PDZD2: variants seen among roughly 807,000 people sequenced by gnomAD.
The protein encoded by PDZD2 is PDZ domain-containing protein 2.
In PDZD2, 90 loss-of-function variants were observed where a neutral mutation model predicts 220.7. The observed-to-expected ratio is 0.41, with a 90% CI of 0.34 to 0.49. The LOEUF (loss-of-function observed/expected upper bound fraction) is 0.49. Among genes scored for constraint, PDZD2 ranks in the 20% least tolerant of loss-of-function variants. The probability of loss-of-function intolerance (pLI) is 0.28; values close to 1 mark genes in which losing one functional copy is unlikely to be tolerated. For missense variants in PDZD2, 3,174 were observed against 3,608.5 expected, an observed-to-expected ratio of 0.88 and a Z score of 3.08; for synonymous variants, 1,375 against 1,450.5, an observed-to-expected ratio of 0.95 and a Z score of 1.18.
chr5:32,086,485 CAT>C (rs765781043), intron 19 of PDZD2, among the ~76,000 whole-genome samples: 3 of 152,128 alleles, frequency 2.0e-5, no homozygotes, highest in African/African-American at 4.8e-5. Context: ...CATCTGCCAT[CAT>C]AGAAATACCA....
chr5:31,925,533 A>T (rs540093721), intron 2 of PDZD2, among the ~76,000 whole-genome samples: 134 of 152,318 alleles, frequency 8.8e-4, no homozygotes, highest in African/African-American at 3.1e-3. Context: ...AGGAAACATC[A>T]TTCTGGACAT....
chr5:31,887,536 C>T (rs1740621336), intron 2 of PDZD2, among the ~76,000 whole-genome samples: 1 of 152,068 alleles, frequency 6.6e-6, no homozygotes, highest in Admixed American at 6.6e-5. Context: ...GCAGCTTTTC[C>T]AATAGGAACC....
At chr5:31,665,237 C>G (rs1165516801) in intron 1 of PDZD2, among the ~76,000 whole-genome samples, 1 of 23,260 alleles carries the variant, frequency 4.3e-5, no homozygotes, top group Non-Finnish European at 2.3e-4. Flanking sequence ...CAGCCTGCCT[C>G]TTCCCCGTGT....
intron 1 of PDZD2, among the ~76,000 whole-genome samples, chr5:31,755,997 C>T (rs1306567659): frequency 6.6e-6 from 1 of 152,126 alleles, no homozygotes; most frequent in Admixed American, 6.5e-5. Flanking sequence ...CTTCAGATGT[C>T]TTTAAAAGGC....
intron 2 of PDZD2, among the ~76,000 whole-genome samples, chr5:31,893,986 C>A (rs1176982972): frequency 1.3e-5 from 2 of 151,788 alleles, no homozygotes; most frequent in East Asian, 3.9e-4. Context: ...CCTCCACCTC[C>A]CGGGTTCAAG....
At chr5:31,770,333 G>A (rs34573921) in intron 1 of PDZD2, among the ~76,000 whole-genome samples, 60,494 of 151,982 alleles carry the variant, frequency 0.4, 12,605 homozygotes, top group Non-Finnish European at 0.45. Flanking sequence ...GCCAGACAAC[G>A]GGAACTGACG....
Position 32,087,091 on chromosome 5 carries a change from T to A in PDZD2, c.3683-40T>A, listed in dbSNP as rs777911171. 1 of 1,162,462 alleles carries A rather than the reference T, an allele frequency of 8.6e-7. No homozygotes were observed. The highest frequency in any genetic ancestry group is 1.3e-6 in the Non-Finnish European group (1 of 792,950). The allele number at this position is 1,162,462 out of a possible 1,614,324, so 72.0% of individuals were successfully genotyped here. On this transcript the variant is annotated intron_variant, in intron 19 of 24. Transcript: ENST00000438447. This position sits in a 1 kb window ranked among gnomAD's most constrained non-coding sequence, Gnocchi z 4.0. ...TATCCCTTTTATCTCCCCTACAACCTCTCCTGTGTATGTACCTTCTGTTTA... is the reference window on the plus strand; with the variant it reads ...TATCCCTTTTATCTCCCCTACAACCACTCCTGTGTATGTACCTTCTGTTTA...
In PDZD2 at chr5:31,868,693, T is replaced by C. The variant is rs147198119; in HGVS notation, c.476+68969T>C. 4.9e-3 allele frequency among the ~76,000 whole-genome samples: 749 copies of C among 152,238 alleles called. 2 individuals carry two copies. The highest frequency in any genetic ancestry group is 9.2e-3 in the Admixed American group (141 of 15,286). On this transcript the variant is annotated intron_variant, in intron 2 of 24. Coordinates refer to ENST00000438447, the MANE Select transcript of PDZD2 (RefSeq NM_178140.4). ...TGCTGCTGCTGCTTTTTCTAATGGG[T>C]TTTGTCACTTTGGAGCCAATTGTTA...
At chr5:31,936,277 G>A in intron 2 of PDZD2, 1 of 987,680 alleles carries the variant, frequency 1.0e-6, no homozygotes, top group Non-Finnish European at 1.2e-6. Context: ...AACCAACTTT[G>A]GAGTCTGTCC....
At chr5:31,732,565 G>A (rs1749597193) in intron 1 of PDZD2, among the ~76,000 whole-genome samples, 1 of 152,196 alleles carries the variant, frequency 6.6e-6, no homozygotes, top group South Asian at 2.1e-4. Context: ...CCCACTGCCT[G>A]TGAACTTGGC....
chr5:31,760,484 G>A (rs1751568506), intron 1 of PDZD2, among the ~76,000 whole-genome samples: 1 of 152,188 alleles, frequency 6.6e-6, no homozygotes, highest in Non-Finnish European at 1.5e-5. Flanking sequence ...GAGAAAGTGG[G>A]ATTCGAGGTA....
intron 1 of PDZD2, among the ~76,000 whole-genome samples, chr5:31,685,776 G>T (rs147102065): frequency 5.9e-5 from 9 of 152,246 alleles, no homozygotes; most frequent in African/African-American, 2.2e-4. Flanking sequence ...CACCTGCCTT[G>T]GCTTCCCACA....
At chr5:31,645,525 C>T (rs574809942) in intron 1 of PDZD2, among the ~76,000 whole-genome samples, 14 of 152,088 alleles carry the variant, frequency 9.2e-5, no homozygotes, top group South Asian at 6.2e-4. Flanking sequence ...TTAGTAGAGA[C>T]GTGGTTTCAC....
rs1369123177 is a variant in PDZD2 at position 32,098,312 on chromosome 5, G to A, written c.7948-52G>A. On this transcript the variant is annotated intron_variant, in intron 22 of 24. Transcript: ENST00000438447. This position sits in a 1 kb window ranked among gnomAD's most constrained non-coding sequence, Gnocchi z 4.1. ...AGTTAGTTACTATCTCCCTTTTACC[G>A]GAAATCGTAAGTGGATCTGGTTTTT... 23 of 1,572,974 alleles carry A rather than the reference G, an allele frequency of 1.5e-5. No homozygotes were observed. Among genetic ancestry groups the A allele is most frequent in the Middle Eastern group, 1.7e-4 (1 of 5,876 alleles).
At chr5:32,068,994 G>A (rs1445298077) in intron 14 of PDZD2, among the ~76,000 whole-genome samples, 1 of 152,110 alleles carries the variant, frequency 6.6e-6, no homozygotes, top group East Asian at 1.9e-4. Flanking sequence ...TAGGCCGGAC[G>A]CGGTGGCTCA....
intron 1 of PDZD2, among the ~76,000 whole-genome samples, chr5:31,699,668 A>G (rs1747529652): frequency 6.6e-6 from 1 of 151,824 alleles, no homozygotes; most frequent in Non-Finnish European, 1.5e-5. Context: ...TAGTGGTGTG[A>G]TCTTGGCTCA....
intron 2 of PDZD2, among the ~76,000 whole-genome samples, chr5:31,953,067 A>G (rs1747324377): frequency 1.3e-5 from 2 of 151,802 alleles, no homozygotes; most frequent in Admixed American, 1.3e-4. Context: ...CTCAAAAAAA[A>G]AAAAAAAAAA....
intron 2 of PDZD2, among the ~76,000 whole-genome samples, chr5:31,836,210 C>A (rs980526259): frequency 2.8e-5 from 4 of 144,936 alleles, no homozygotes; most frequent in African/African-American, 1.0e-4. Context: ...CTCTATAAAC[C>A]AATAGTAATT....
intron 2 of PDZD2, among the ~76,000 whole-genome samples, chr5:31,973,374 A>T (rs79623044): frequency 0.03 from 4,522 of 152,338 alleles, 85 homozygotes; most frequent in Non-Finnish European, 0.039. Flanking sequence ...TGGAGATCAA[A>T]ATAATTTTTT....
Sources: allele counts gnomAD v4.1 joint callset (sites outside exome capture counted in the v4.1 genomes callset), GRCh38; gene constraint gnomAD v4.1.1; non-coding constraint Gnocchi (gnomAD v3.1); transcripts MANE v1.5; gene names NCBI Gene and HGNC (gene_info 2026-07-23, HGNC 2026-07-21).